Variants in CLDN14 observed in about 807,000 individuals in gnomAD.
CLDN14 encodes claudin 14.
A neutral mutation model predicts 2.1 loss-of-function variants in CLDN14; 2 were observed. That is an observed-to-expected ratio of 0.96 (90% CI 0.39 to 3.01). CLDN14 has a LOEUF of 3.01. CLDN14 is among the 30% of genes most tolerant of loss of function. The pLI is 0.09. For synonymous variants in CLDN14, 136 were observed against 154.4 expected (o/e 0.88, Z 0.88); for missense variants, 298 against 328.0 (o/e 0.91, Z 0.71).
chr21:36,560,925 T>G (rs759215292), intron 1 of CLDN14, among the ~76,000 whole-genome samples: 1 of 152,230 alleles, frequency 6.6e-6, no homozygotes, highest in Non-Finnish European at 1.5e-5. Context: ...TGTTTTTAAT[T>G]TCTAACCAGT....
At chr21:36,561,050 A>G (rs908390342) in intron 1 of CLDN14, among the ~76,000 whole-genome samples, 4 of 152,242 alleles carry the variant, frequency 2.6e-5, no homozygotes, top group African/African-American at 4.8e-5. Context: ...GCATGAAATT[A>G]TTCTGCTACA....
intron 1 of CLDN14, among the ~76,000 whole-genome samples, chr21:36,549,589 G>A (rs914601024): frequency 3.3e-5 from 5 of 152,188 alleles, no homozygotes; most frequent in Admixed American, 2.0e-4. Flanking sequence ...CCGGTGGGGC[G>A]AGAATTACTT....
At chr21:36,491,549 G>A (rs2086964911) in intron 2 of CLDN14, among the ~76,000 whole-genome samples, 1 of 152,146 alleles carries the variant, frequency 6.6e-6, no homozygotes, top group Admixed American at 6.5e-5. Context: ...TGAGAAGACT[G>A]TATTTGCTAC....
chr21:36,478,915 A>G (rs1401921161), intron 1 of CLDN14, among the ~76,000 whole-genome samples: 1 of 152,130 alleles, frequency 6.6e-6, no homozygotes, highest in African/African-American at 2.4e-5. Context: ...CTCAAATTGC[A>G]TGGCATTTCT....
rs527503261 is a variant in CLDN14 at position 36,544,751 on chromosome 21, C to T, written c.-220+31660G>A. Among the ~76,000 whole-genome samples, 73 of 152,286 alleles carry T rather than the reference C, an allele frequency of 4.8e-4. 2 individuals are homozygous for T. The South Asian group carries it at 0.012, about 26-fold the overall frequency. On this transcript the variant is annotated intron_variant, in intron 1 of 2. Coordinates refer to the CLDN14 transcript ENST00000342108. This position sits in a 1 kb window ranked among gnomAD's most constrained non-coding sequence, Gnocchi z 4.1. ...AGCTTGGAGAGATGGGCAGCGATCA[C>T]GCTGAAATATGATGACAGGGGCAAG...
intron 1 of CLDN14, among the ~76,000 whole-genome samples, chr21:36,471,611 C>T (rs1377916919): frequency 6.6e-6 from 1 of 152,210 alleles, no homozygotes; most frequent in Non-Finnish European, 1.5e-5. Context: ...TAAGGTGACT[C>T]AGAAGCCTGC....
intron 1 of CLDN14, among the ~76,000 whole-genome samples, chr21:36,465,137 T>G (rs78262992): frequency 0.03 from 4,546 of 152,270 alleles, 109 homozygotes; most frequent in African/African-American, 0.071. Context: ...GATCTCCGAA[T>G]GGCCTCTGAG....
At chr21:36,554,776 G>A (rs889496672) in intron 1 of CLDN14, among the ~76,000 whole-genome samples, 5 of 152,088 alleles carry the variant, frequency 3.3e-5, no homozygotes, top group African/African-American at 1.2e-4. Context: ...AGGATGCCAC[G>A]GGATGTGTTA....
chr21:36,470,760 G>A (rs1046777424), intron 1 of CLDN14, among the ~76,000 whole-genome samples: 2 of 152,142 alleles, frequency 1.3e-5, no homozygotes, highest in Admixed American at 6.5e-5. Flanking sequence ...GATCACTTGA[G>A]CTGAGGAGTT....
intron 1 of CLDN14, among the ~76,000 whole-genome samples, chr21:36,516,066 G>C (rs1220389357): frequency 6.6e-6 from 1 of 152,058 alleles, no homozygotes; most frequent in Non-Finnish European, 1.5e-5. Context: ...GGGATTACAG[G>C]TGTGAGCCAC....
At chr21:36,563,260 T>C (rs1191498727) in intron 1 of CLDN14, among the ~76,000 whole-genome samples, 2 of 152,196 alleles carry the variant, frequency 1.3e-5, no homozygotes, top group East Asian at 1.9e-4. Context: ...GGGAAAAAGA[T>C]TGGAGTCATA....
At chr21:36,518,795 A>G (rs776010640) in intron 1 of CLDN14, among the ~76,000 whole-genome samples, 1 of 152,244 alleles carries the variant, frequency 6.6e-6, no homozygotes, top group Admixed American at 6.5e-5. Flanking sequence ...AAGGGCGACT[A>G]TCAGGCACAC....
In CLDN14 at chr21:36,562,420, C is replaced by T. The variant is rs2087642618; in HGVS notation, c.-220+13991G>A. 2.0e-5 allele frequency among the ~76,000 whole-genome samples: 3 copies of T among 152,172 alleles called. No individual in the cohort carries two copies. The South Asian group carries it at 6.2e-4, about 32-fold the overall frequency. On this transcript the variant is annotated intron_variant, in intron 1 of 2. Transcript: ENST00000342108. ...ATCCACTTTGTAATTCTGCACCCAG[C>T]TCATTCTTCAGCTAAGTACTAAGCT...
chr21:36,531,154 G>A (rs565260724), intron 1 of CLDN14, among the ~76,000 whole-genome samples: 24 of 152,222 alleles, frequency 1.6e-4, no homozygotes, highest in African/African-American at 3.9e-4. Context: ...TTTGAACCCC[G>A]GAGGTGGAGG....
chr21:36,486,184 G>GTGTCCATGGCTGAT (rs1393176251), intron 2 of CLDN14: 1 of 1,089,952 alleles, frequency 9.2e-7, no homozygotes. Flanking sequence ...CCATGGCTGA[G>GTGTCCATGGCTGAT]CTGGCATCAA....
At chr21:36,572,410 G>A (rs2146530466) in intron 1 of CLDN14, among the ~76,000 whole-genome samples, 1 of 125,684 alleles carries the variant, frequency 8.0e-6, no homozygotes, top group South Asian at 2.7e-4. Context: ...CCAGGTGTGG[G>A]GCTGTTTCTC....
chr21:36,491,718 C>T (rs776878501), intron 2 of CLDN14, among the ~76,000 whole-genome samples: 15 of 152,070 alleles, frequency 9.9e-5, no homozygotes, highest in Non-Finnish European at 2.2e-4. Context: ...GTACATGCCT[C>T]GGGAGTGGCG....
At chr21:36,476,477 G>C (rs1416209967) in intron 1 of CLDN14, among the ~76,000 whole-genome samples, 1 of 146,836 alleles carries the variant, frequency 6.8e-6, no homozygotes, top group Non-Finnish European at 1.5e-5. Flanking sequence ...TTTTGAGTCA[G>C]AGTCTCACTT....
rs1491330369 is a variant in CLDN14 at position 36,514,622 on chromosome 21, A to ATGTGT, written c.-219-4123_-219-4122insACACA. Among the ~76,000 whole-genome samples, 170 of 33,720 alleles carry ATGTGT rather than the reference A, an allele frequency of 5.0e-3. 2 individuals are homozygous for ATGTGT. Among genetic ancestry groups the ATGTGT allele is most frequent in the Admixed American group, 0.011 (40 of 3,688 alleles). The allele number at this position is 33,720 out of a possible 152,430, so 22.1% of individuals were successfully genotyped here. A position where few individuals can be genotyped will look rare whatever the true frequency, so the allele number is the denominator to read the frequency against. ...GAAATAAAGTCTTATCGTGAGAGAA[A>ATGTGT]GTGTGTGTGTGTGTGTGTGTGTGTG... is the stretch of plus-strand genomic sequence containing the variant. On this transcript the variant is annotated intron_variant, in intron 1 of 2. Coordinates refer to the CLDN14 transcript ENST00000342108.
Sources: allele counts gnomAD v4.1 joint callset (sites outside exome capture counted in the v4.1 genomes callset), GRCh38; gene constraint gnomAD v4.1.1; non-coding constraint Gnocchi (gnomAD v3.1); transcripts MANE v1.5; gene names NCBI Gene and HGNC (gene_info 2026-07-23, HGNC 2026-07-21).